The following RPSA2 variants were observed in gnomAD, a reference collection of about 807,000 sequenced individuals.
RPSA2 encodes the protein ribosomal protein SA 2, also known as small ribosomal subunit protein uS2B.
the RPSA2 span, among the ~76,000 whole-genome samples, chr19:23,820,138 T>C: frequency 0.98 from 148,943 of 152,294 alleles, 72,925 homozygotes; most frequent in Middle Eastern, 1. Flanking sequence ...TCACAAGGTG[T>C]GGCCCCTATT....
At chr19:23,829,101 T>C in the RPSA2 span, among the ~76,000 whole-genome samples, 1 of 152,234 alleles carries the variant, frequency 6.6e-6, no homozygotes, top group Non-Finnish European at 1.5e-5. Flanking sequence ...TTGTGTGATA[T>C]TATTTTGACT....
At chr19:23,861,179 C>G in the RPSA2 span, among the ~76,000 whole-genome samples, 1 of 152,176 alleles carries the variant, frequency 6.6e-6, no homozygotes, top group South Asian at 2.1e-4. Context: ...AATTCTGAGG[C>G]AAAACCTTGA....
the RPSA2 span, among the ~76,000 whole-genome samples, chr19:23,857,834 T>A: frequency 2.0e-5 from 3 of 152,122 alleles, no homozygotes; most frequent in African/African-American, 4.8e-5. Flanking sequence ...ATAATTTTTT[T>A]TTCTTAGAGT....
the RPSA2 span, among the ~76,000 whole-genome samples, chr19:23,822,767 G>C: frequency 6.6e-6 from 1 of 152,154 alleles, no homozygotes; most frequent in Admixed American, 6.5e-5. Context: ...GGGCTGCTCA[G>C]TGGCCAGCCT....
the RPSA2 span, among the ~76,000 whole-genome samples, chr19:23,766,819 C>A: frequency 6.7e-6 from 1 of 149,326 alleles, no homozygotes; most frequent in African/African-American, 2.5e-5. Flanking sequence ...AGTGCAGTGT[C>A]GTTATCTTGG....
At chr19:23,785,907 A>G in the RPSA2 span, among the ~76,000 whole-genome samples, 8 of 152,134 alleles carry the variant, frequency 5.3e-5, no homozygotes, top group Non-Finnish European at 1.2e-4. Flanking sequence ...CTTGTATACT[A>G]TACACATCTC....
the RPSA2 span, among the ~76,000 whole-genome samples, chr19:23,760,664 TATATA>T: frequency 8.5e-4 from 70 of 82,032 alleles, no homozygotes; most frequent in South Asian, 1.4e-3. Context: ...TATATATATA[TATATA>T]TTTTTTTTTT....
At chr19:23,852,556 A>G in the RPSA2 span, among the ~76,000 whole-genome samples, 3 of 152,262 alleles carry the variant, frequency 2.0e-5, no homozygotes, top group Non-Finnish European at 4.4e-5. Context: ...CAGCAGGAAG[A>G]TGCCCTTAAG....
At chr19:23,758,667 T>C in the RPSA2 span, 1 of 1,610,834 alleles carries the variant, frequency 6.2e-7, no homozygotes, top group Non-Finnish European at 8.5e-7. Flanking sequence ...GGGCGCAAAT[T>C]GTGGAGCTGA....
the RPSA2 span, among the ~76,000 whole-genome samples, chr19:23,767,637 GA>G: frequency 6.6e-6 from 1 of 151,898 alleles, no homozygotes; most frequent in African/African-American, 2.4e-5. Flanking sequence ...GGGGATGACA[GA>G]ATATTTTGAG....
At chr19:23,767,783 T>C in the RPSA2 span, among the ~76,000 whole-genome samples, 6 of 72,446 alleles carry the variant, frequency 8.3e-5, no homozygotes, top group African/African-American at 2.4e-4. Context: ...TTTTTTTTTT[T>C]TGAGACAGAG....
the RPSA2 span, chr19:23,808,982 T>C: frequency 5.1e-6 from 1 of 195,884 alleles, no homozygotes; most frequent in African/African-American, 2.4e-5. Context: ...TGTCTTATGT[T>C]TATAAAATTT....
chr19:23,763,986 C>G, the RPSA2 span, among the ~76,000 whole-genome samples: 2 of 152,096 alleles, frequency 1.3e-5, no homozygotes, highest in South Asian at 4.2e-4. Flanking sequence ...TGGAAATTTC[C>G]TGGTTATGTA....
At chr19:23,758,633 G>A in the RPSA2 span, 12 of 1,540,578 alleles carry the variant, frequency 7.8e-6, no homozygotes, top group Non-Finnish European at 9.0e-7. Flanking sequence ...AGTGGACTGA[G>A]GCCGCCTGGG....
At chr19:23,814,843 TGTG>T in the RPSA2 span, among the ~76,000 whole-genome samples, 4 of 152,114 alleles carry the variant, frequency 2.6e-5, no homozygotes, top group Non-Finnish European at 4.4e-5. Flanking sequence ...TTGTTGTTGT[TGTG>T]TTTGTTGTTT....
At chr19:23,857,986 G>T in the RPSA2 span, among the ~76,000 whole-genome samples, 9 of 151,950 alleles carry the variant, frequency 5.9e-5, no homozygotes, top group Admixed American at 4.6e-4. Flanking sequence ...ACATTCACTG[G>T]AGAAAGCTTT....
At chr19:23,776,022 C>T in the RPSA2 span, among the ~76,000 whole-genome samples, 9 of 152,158 alleles carry the variant, frequency 5.9e-5, no homozygotes, top group Admixed American at 3.9e-4. Flanking sequence ...CTGGACCCAG[C>T]GCCTAAGTGA....
chr19:23,815,990 TAG>T, the RPSA2 span, among the ~76,000 whole-genome samples: 6,053 of 141,242 alleles, frequency 0.043, 229 homozygotes, highest in South Asian at 0.14. Flanking sequence ...TCATAAAATG[TAG>T]TTGTTTTTTT....
chr19:23,841,008 G>A, the RPSA2 span, among the ~76,000 whole-genome samples: 1 of 149,566 alleles, frequency 6.7e-6, no homozygotes, highest in Non-Finnish European at 1.5e-5. Flanking sequence ...GACATCGTAT[G>A]TGCCTTGAAC....
Sources: allele counts gnomAD v4.1 joint callset (sites outside exome capture counted in the v4.1 genomes callset), GRCh38; gene constraint gnomAD v4.1.1; transcripts MANE v1.5; gene names NCBI Gene and HGNC (gene_info 2026-07-23, HGNC 2026-07-21).